The following GMPS variants were observed in gnomAD, a reference collection of about 807,000 sequenced individuals.
GMPS encodes the protein GMP synthase [glutamine-hydrolyzing].
GMPS carries 15 observed loss-of-function variants against 77.9 expected under a neutral mutation model. That is an observed-to-expected ratio of 0.19 (90% CI 0.13 to 0.30). The LOEUF (loss-of-function observed/expected upper bound fraction) is 0.30. Ranked by LOEUF, GMPS falls within the 10% of genes least tolerant of loss-of-function variation. GMPS has a pLI of 1.00. For synonymous variants in GMPS, 224 were observed against 275.9 expected (o/e 0.81, Z 1.86); for missense variants, 590 against 838.8 (o/e 0.70, Z 3.66).
intron 6 of GMPS, 104 bp from the exon 7 acceptor site, chr3:155,911,010 A>AT: frequency 8.9e-7 from 1 of 1,121,946 alleles, no homozygotes; most frequent in African/African-American, 1.6e-5. Flanking sequence ...GTTACCATAC[A>AT]TATCTTTGGT....
intron 4 of GMPS, 33 bp downstream of exon 4, chr3:155,903,993 TA>T (rs769544187): frequency 1.9e-5 from 15 of 801,606 alleles, no homozygotes; most frequent in Non-Finnish European, 2.0e-6. Context: ...AGAACAATAG[TA>T]ATTAACTAAT....
chr3:155,890,473 TA>T lies in GMPS; in HGVS notation c.28-3038del, dbSNP rs919841357. Among the ~76,000 whole-genome samples, 5 of 151,746 alleles carry T rather than the reference TA, an allele frequency of 3.3e-5. No homozygotes were observed. The South Asian group carries it at 6.2e-4, about 19-fold the overall frequency. ...TGTCAATTACAAAAGTGTAGGGAAA[TA>T]AAAAAATAGTAAAACTACTGTTTAC... On this transcript the variant is annotated intron_variant, in intron 1 of 15. Transcript: ENST00000496455.
intron 5 of GMPS, among the ~76,000 whole-genome samples, chr3:155,909,987 G>A (rs1404014375): frequency 6.6e-6 from 1 of 152,068 alleles, no homozygotes; most frequent in Non-Finnish European, 1.5e-5. Context: ...GCTCACGCCT[G>A]TAATCCCAGC....
At chr3:155,871,196 G>A (rs1753896746) in intron 1 of GMPS, among the ~76,000 whole-genome samples, 1 of 152,058 alleles carries the variant, frequency 6.6e-6, no homozygotes, top group Non-Finnish European at 1.5e-5. Flanking sequence ...GGGGCGCAGA[G>A]CCCGCGAGCG....
In GMPS at chr3:155,897,990, A is replaced by T. The variant is rs778899559; in HGVS notation, c.273A>T (p.Pro91=). 1.9e-6 allele frequency: 3 copies of T among 1,611,708 alleles called. No homozygotes were observed. Among genetic ancestry groups the T allele is most frequent in the Non-Finnish European group, 2.5e-6 (3 of 1,177,812 alleles). Residue 91 remains proline, a synonymous_variant, in exon 3 of 16, where the codon CCA becomes CCT. Coordinates refer to ENST00000496455, the MANE Select transcript of GMPS (RefSeq NM_003875.3). ...CTGAAGATGCTCCCTGGTTTGATCC[A>T]GCAATATTCACTATTGGCAAGCCTG... The part of the protein sequence containing the change: ...VYAEDAPWFD[P]AIFTIGKPVL...
At chr3:155,911,051 C>A in intron 6 of GMPS, 63 bp from the exon 7 acceptor site, 3 of 1,340,022 alleles carry the variant, frequency 2.2e-6, no homozygotes, top group Non-Finnish European at 2.1e-6. Flanking sequence ...AAGATTTAAG[C>A]CAATAGTGTT....
chr3:155,870,819 C>G lies in GMPS; in HGVS notation c.-52C>G, dbSNP rs1368173963. 1 of 1,278,970 alleles carries G rather than the reference C, an allele frequency of 7.8e-7. No individual in the cohort carries two copies. Among genetic ancestry groups the G allele is most frequent in the Non-Finnish European group, 1.1e-6 (1 of 926,914 alleles). 79.2% of individuals were successfully genotyped at this position (1,278,970 alleles called of 1,614,324 possible). ...GGCGCCGACCCTTCCGGCACCCTCC[C>G]GCCCCGTCTCGTACTGTCGCCGTCA... On this transcript the variant is annotated 5_prime_UTR_variant, in exon 1 of 16. Coordinates refer to ENST00000496455, the MANE Select transcript of GMPS (RefSeq NM_003875.3).
In GMPS at chr3:155,926,586, A is replaced by G. The variant is rs188636845; in HGVS notation, c.1560+1220A>G. 1.2e-3 allele frequency among the ~76,000 whole-genome samples: 187 copies of G among 151,580 alleles called. 1 individual carries two copies. Among genetic ancestry groups the G allele is most frequent in the African/African-American group, 4.3e-3 (175 of 40,886 alleles). ...AAACTTAAAGTATAATAATAAAAAA[A>G]TAAAAAATAAAAAAAAAGAAATTCT... On this transcript the variant is annotated intron_variant, in intron 12 of 15. Transcript: ENST00000496455.
At chr3:155,920,956 T>TA (rs1411894096) in intron 10 of GMPS, among the ~76,000 whole-genome samples, 1 of 152,150 alleles carries the variant, frequency 6.6e-6, no homozygotes, top group African/African-American at 2.4e-5. Flanking sequence ...TTTGGTAAAA[T>TA]AGAGGTTGGG....
At chr3:155,930,579 C>A (rs975394074) in intron 12 of GMPS, among the ~76,000 whole-genome samples, 3 of 152,036 alleles carry the variant, frequency 2.0e-5, no homozygotes, top group Admixed American at 2.0e-4. Flanking sequence ...AGGCAACCTA[C>A]AAAATGGAAG....
chr3:155,889,989 G>A (rs752407822), intron 1 of GMPS, among the ~76,000 whole-genome samples: 2 of 152,106 alleles, frequency 1.3e-5, no homozygotes, highest in East Asian at 3.8e-4. Flanking sequence ...CATTAGGATG[G>A]TTTTTCTAAT....
At position 155,906,205 on chromosome 3, in the gene GMPS, T is replaced by C. The variant is rs757616199; in HGVS notation, c.468T>C (p.Ser156=). 6.2e-7 allele frequency: 1 copy of C among 1,612,424 alleles called. No individual in the cohort carries two copies. Among genetic ancestry groups the C allele is most frequent in the Non-Finnish European group, 8.5e-7 (1 of 1,178,974 alleles). ...EEVVLLTHGD[S]VDKVADGFKV... is the part of the protein sequence containing the mutation. Reference sequence around the variant, plus strand: ...TTGTTTTGCTTACACATGGAGATAGTGTAGACAAAGTAGCTGATGGATTCA... The same window carrying C: ...TTGTTTTGCTTACACATGGAGATAGCGTAGACAAAGTAGCTGATGGATTCA... Residue 156 remains serine (S), a synonymous_variant, in exon 5 of 16, where the codon AGT becomes AGC. Transcript: ENST00000496455.
chr3:155,926,694 G>A (rs1469327108), intron 12 of GMPS, among the ~76,000 whole-genome samples: 1 of 152,096 alleles, frequency 6.6e-6, no homozygotes, highest in African/African-American at 2.4e-5. Context: ...CCTTTGCTCT[G>A]AATTCATGCA....
At position 155,913,674 on chromosome 3, in the gene GMPS, C is replaced by T. The variant is rs557299115; in HGVS notation, c.887-745C>T. Among the ~76,000 whole-genome samples, 12 of 152,070 alleles carry T rather than the reference C, an allele frequency of 7.9e-5. No individual in the cohort carries two copies. In the South Asian group the frequency reaches 2.5e-3, roughly 32 times the overall value. On this transcript the variant is annotated intron_variant, in intron 7 of 15. Coordinates refer to ENST00000496455, the MANE Select transcript of GMPS (RefSeq NM_003875.3). ...TAGCTGGGATTGCAGACATGTGCCA[C>T]TACGCCCCACTAATTTTTGTGTTTT...
chr3:155,898,391 C>T (rs1339602099), intron 3 of GMPS, among the ~76,000 whole-genome samples: 1 of 152,196 alleles, frequency 6.6e-6, no homozygotes, highest in African/African-American at 2.4e-5. Flanking sequence ...GAAAGTTGCA[C>T]ACGTGATGCC....
At chr3:155,876,717 A>T (rs1423205011) in intron 1 of GMPS, among the ~76,000 whole-genome samples, 1 of 152,162 alleles carries the variant, frequency 6.6e-6, no homozygotes, top group Non-Finnish European at 1.5e-5. Flanking sequence ...CTCCCCAGTG[A>T]TGTGTATTTA....
chr3:155,871,648 C>G (rs1249979655), intron 1 of GMPS, among the ~76,000 whole-genome samples: 3 of 152,248 alleles, frequency 2.0e-5, no homozygotes, highest in Non-Finnish European at 4.4e-5. Context: ...CAGCTTGCTC[C>G]CTGTCGAGCT....
At chr3:155,928,783 G>A (rs913401477) in intron 12 of GMPS, among the ~76,000 whole-genome samples, 33 of 145,256 alleles carry the variant, frequency 2.3e-4, no homozygotes, top group Admixed American at 4.9e-4. Context: ...GAGAATATGC[G>A]GTGTTTGGTT....
chr3:155,936,995 T>C (rs541517831), intron 15 of GMPS, among the ~76,000 whole-genome samples: 61 of 152,346 alleles, frequency 4.0e-4, no homozygotes, highest in Admixed American at 2.9e-3. Flanking sequence ...AAAGTGAGAC[T>C]CTATTAGTTG....
Sources: gnomAD v4.1 joint callset for allele counts (sites outside exome capture counted in the v4.1 genomes callset) on GRCh38, gnomAD v4.1.1 for gene constraint, MANE v1.5 for transcripts, NCBI Gene and HGNC (gene_info 2026-07-23, HGNC 2026-07-21) for gene names.